The following SEPTIN14 variants were observed in gnomAD, a reference collection of about 807,000 sequenced individuals.
SEPTIN14 encodes septin 14.
SEPTIN14 carries 40 observed loss-of-function variants against 53.6 expected under a neutral mutation model. The observed-to-expected ratio is 0.75, with a 90% CI of 0.58 to 0.97. The LOEUF (loss-of-function observed/expected upper bound fraction) is 0.97. Ranked by LOEUF, SEPTIN14 falls within the 50% of genes least tolerant of loss-of-function variation. The probability of loss-of-function intolerance (pLI) is 0.00; values close to 1 mark genes in which losing one functional copy is unlikely to be tolerated. For synonymous variants in SEPTIN14, 138 were observed against 166.8 expected (o/e 0.83, Z 1.33); for missense variants, 471 against 508.2 (o/e 0.93, Z 0.70).
Position 55,834,495 on chromosome 7 carries a change from C to T in SEPTIN14, c.650G>A (p.Ser217Asn), listed in dbSNP as rs1278395855. ...FKNKIMSELI[S>N]NGIQIYQLPT... ...GAGCTGATATATCTGGATGCCATTG[C>T]TAATCAATTCACTCATTATCTTATT... Residue 217 changes from serine (S) to asparagine (N), a missense_variant, in exon 6 of 10, where the codon AGC (serine) becomes AAC (asparagine). By Grantham distance (46) the Ser-to-Asn change is conservative. Coordinates refer to ENST00000388975, the MANE Select transcript of SEPTIN14 (RefSeq NM_207366.3). The T allele has an allele frequency of 6.2e-7, 1 of 1,612,484 alleles. No homozygotes were observed. The highest frequency in any genetic ancestry group is 1.3e-5 in the African/African-American group (1 of 74,872).
intron 9 of SEPTIN14, among the ~76,000 whole-genome samples, chr7:55,801,094 T>C (rs1356035992): frequency 6.6e-6 from 1 of 152,076 alleles, no homozygotes; most frequent in East Asian, 1.9e-4. Context: ...AATAAATGCC[T>C]ATATTAAGAA....
chr7:55,861,778 T>C (rs1049118426), intron 2 of SEPTIN14, among the ~76,000 whole-genome samples, 165 bp downstream of exon 2: 3 of 152,170 alleles, frequency 2.0e-5, no homozygotes, highest in African/African-American at 7.2e-5. Flanking sequence ...TAAATCACCA[T>C]TGATACTTAA....
At chr7:55,796,747 C>G (rs573898403) in intron 9 of SEPTIN14, among the ~76,000 whole-genome samples, 1 of 152,042 alleles carries the variant, frequency 6.6e-6, no homozygotes, top group African/African-American at 2.4e-5. Context: ...CAATAGTAAA[C>G]TTCAACAGGA....
chr7:55,834,001 T>C (rs141877870), intron 6 of SEPTIN14, among the ~76,000 whole-genome samples: 156 of 152,062 alleles, frequency 1.0e-3, no homozygotes, highest in Middle Eastern at 3.4e-3. Flanking sequence ...GAAGAATAAA[T>C]AGAGAGCTTA....
intron 7 of SEPTIN14, among the ~76,000 whole-genome samples, chr7:55,808,769 T>C (rs961370214): frequency 6.6e-6 from 1 of 151,958 alleles, no homozygotes; most frequent in Non-Finnish European, 1.5e-5. Context: ...CCAAGATGGT[T>C]TCGAACTCCT....
intron 2 of SEPTIN14, among the ~76,000 whole-genome samples, chr7:55,859,410 A>G (rs1213885808): frequency 2.0e-5 from 3 of 152,060 alleles, no homozygotes; most frequent in African/African-American, 2.4e-5. Flanking sequence ...TTAGCTAACC[A>G]TGAATGTTTG....
chr7:55,810,062 G>A (rs1455805367), intron 7 of SEPTIN14, among the ~76,000 whole-genome samples: 1 of 151,560 alleles, frequency 6.6e-6, no homozygotes, highest in Admixed American at 6.6e-5. Flanking sequence ...TCCATCTCCT[G>A]ACCTCGTGAT....
Position 55,794,024 on chromosome 7 carries a change from A to T in SEPTIN14, c.*1889T>A, listed in dbSNP as rs1788384418. On this transcript the variant is annotated 3_prime_UTR_variant, in exon 10 of 10. Coordinates refer to ENST00000388975, the MANE Select transcript of SEPTIN14 (RefSeq NM_207366.3). ...AAGTTAAAAGTTATATGGAAAACCA[A>T]CACTAATTTTTTTTAGAAAAAATTA... is the stretch of plus-strand genomic sequence containing the variant. The T allele has an allele frequency of 6.6e-6, 1 of 152,142 alleles. No individual in the cohort carries two copies. Among genetic ancestry groups the T allele is most frequent in the South Asian group, 2.1e-4 (1 of 4,832 alleles). The allele number at this position is 152,142 out of a possible 1,614,324, so 9.4% of individuals were successfully genotyped here.
intron 9 of SEPTIN14, among the ~76,000 whole-genome samples, chr7:55,800,259 A>G (rs1788503526): frequency 6.6e-6 from 1 of 152,196 alleles, no homozygotes; most frequent in Admixed American, 6.6e-5. Context: ...CCTCACGTTA[A>G]GTGAAATAAG....
At chr7:55,809,299 A>G (rs1326443795) in intron 7 of SEPTIN14, among the ~76,000 whole-genome samples, 2 of 143,694 alleles carry the variant, frequency 1.4e-5, no homozygotes, top group Non-Finnish European at 3.0e-5. Context: ...CAGAAAAGCT[A>G]CTATGCTTAC....
chr7:55,810,836 G>T, intron 7 of SEPTIN14: 1 of 295,534 alleles, frequency 3.4e-6, no homozygotes, highest in South Asian at 3.3e-5. Context: ...GGATCATGAA[G>T]ACCCTCGAGT....
intron 6 of SEPTIN14, among the ~76,000 whole-genome samples, chr7:55,832,541 GTATATATACACCATGGAATACTA>G (rs150227213): frequency 0.059 from 8,941 of 152,100 alleles, 485 homozygotes; most frequent in East Asian, 0.24. Flanking sequence ...TTTTAATATG[GTATATATACACCATGGAATACTA>G]TGCAGCCATA....
At chr7:55,861,130 G>T (rs1321755418) in intron 2 of SEPTIN14, among the ~76,000 whole-genome samples, 1 of 152,156 alleles carries the variant, frequency 6.6e-6, no homozygotes, top group Non-Finnish European at 1.5e-5. Flanking sequence ...AAACAAGAAA[G>T]CCCAAAGATA....
In SEPTIN14 at chr7:55,795,912, A is replaced by G. The variant is rs201452964; in HGVS notation, c.*1T>C. ...GGCTCTCAGAATAGTAAGAGAAACT[A>G]TTATTTCTTACGATGTTTGTCTTTC... On this transcript the variant is annotated 3_prime_UTR_variant, in exon 10 of 10. Coordinates refer to ENST00000388975, the MANE Select transcript of SEPTIN14 (RefSeq NM_207366.3). 1.4e-4 allele frequency: 228 copies of G among 1,587,930 alleles called. 2 individuals carry two copies. The Middle Eastern group carries it at 5.9e-3, about 41-fold the overall frequency.
intron 7 of SEPTIN14, among the ~76,000 whole-genome samples, chr7:55,816,273 T>G (rs1788789015): frequency 6.6e-6 from 1 of 151,996 alleles, no homozygotes; most frequent in African/African-American, 2.4e-5. Context: ...ATGAATAAGA[T>G]CTAGTATTTG....
At chr7:55,813,901 C>A (rs188676761) in intron 7 of SEPTIN14, among the ~76,000 whole-genome samples, 1 of 152,130 alleles carries the variant, frequency 6.6e-6, no homozygotes, top group Non-Finnish European at 1.5e-5. Flanking sequence ...AGTAGCAAGG[C>A]AGTAGTTGCC....
chr7:55,809,290 A>G (rs1202588973), intron 7 of SEPTIN14, among the ~76,000 whole-genome samples: 1 of 150,138 alleles, frequency 6.7e-6, no homozygotes, highest in African/African-American at 2.4e-5. Context: ...GAGTGAGGAC[A>G]GAAAAGCTAC....
intron 2 of SEPTIN14, among the ~76,000 whole-genome samples, chr7:55,856,314 C>T (rs187331880): frequency 2.3e-4 from 35 of 152,166 alleles, no homozygotes; most frequent in African/African-American, 8.2e-4. Context: ...ATAATGGCCT[C>T]CAGCAGCACC....
intron 7 of SEPTIN14, among the ~76,000 whole-genome samples, chr7:55,815,029 A>G (rs1227284747): frequency 2.0e-5 from 3 of 152,214 alleles, no homozygotes; most frequent in African/African-American, 7.2e-5. Context: ...GGTGCCAAGC[A>G]CATACATTGG....
Sources: allele counts gnomAD v4.1 joint callset (sites outside exome capture counted in the v4.1 genomes callset), GRCh38; gene constraint gnomAD v4.1.1; transcripts MANE v1.5; gene names NCBI Gene and HGNC (gene_info 2026-07-23, HGNC 2026-07-21).